CACNB2: variants seen among roughly 807,000 people sequenced by gnomAD.
The protein encoded by CACNB2 is calcium voltage-gated channel auxiliary subunit beta 2.
Under a neutral mutation model 73.3 loss-of-function variants are expected in CACNB2, and 42 were observed. That is an observed-to-expected ratio of 0.57 (90% CI 0.45 to 0.74). The LOEUF is 0.74. Ranked by LOEUF, CACNB2 falls within the 30% of genes least tolerant of loss-of-function variation. CACNB2 has a pLI of 0.00. For synonymous variants in CACNB2, 348 were observed against 310.3 expected, an observed-to-expected ratio of 1.12 and a Z score of -1.28; for missense variants, 940 against 853.0, an observed-to-expected ratio of 1.10 and a Z score of -1.27.
At chr10:18,286,288 G>A (rs981307799) in intron 2 of CACNB2, among the ~76,000 whole-genome samples, 16 of 152,054 alleles carry the variant, frequency 1.1e-4, no homozygotes, top group South Asian at 2.1e-4. Context: ...AGGCCAAGGC[G>A]GGCGGATCAC....
At chr10:18,537,063 T>C (rs980201410) in intron 12 of CACNB2, among the ~76,000 whole-genome samples, 1 of 152,010 alleles carries the variant, frequency 6.6e-6, no homozygotes, top group African/African-American at 2.4e-5. Context: ...CAGCTCACTA[T>C]TGCAACCTCT....
At position 18,200,682 on chromosome 10, in the gene CACNB2, A is replaced by C. The variant is rs1369481781; in HGVS notation, c.213+49707A>C. On this transcript the variant is annotated intron_variant, in intron 2 of 13. Coordinates refer to ENST00000324631, the MANE Select transcript of CACNB2 (RefSeq NM_201596.3). ...GAAGTACTGCTTAAAAAATTGATGC[A>C]TTTAGTCTTCTTATACCAGATTTTT... Among the ~76,000 whole-genome samples the C allele has an allele frequency of 3.3e-5, 5 of 152,230 alleles. No individual in the cohort carries two copies. The East Asian group carries it at 9.6e-4, about 29-fold the overall frequency.
Position 18,140,850 on chromosome 10 carries a change from C to G in CACNB2, c.114C>G (p.Ala38=), listed in dbSNP as rs747008365. The G allele has an allele frequency of 2.5e-6, 4 of 1,600,646 alleles. No individual in the cohort carries two copies. Among genetic ancestry groups the G allele is most frequent in the Middle Eastern group, 1.8e-4 (1 of 5,648 alleles). ...NVAPAGALGA[A]AQSYGKGARR... ...CTCCCGCGGGGGCGCTCGGAGCCGC[C>G]GCACAGGTAGCGAGAGCGCGGCGCC... Residue 38 remains alanine (A), a synonymous_variant, in exon 1 of 14, where the codon GCC becomes GCG. Transcript: ENST00000324631.
chr10:18,154,299 A>C (rs949052264), intron 2 of CACNB2, among the ~76,000 whole-genome samples: 6 of 151,978 alleles, frequency 3.9e-5, no homozygotes, highest in Admixed American at 6.6e-5. Flanking sequence ...CTTTAAAAAA[A>C]AAAAAAACAA....
At chr10:18,494,429 A>C (rs1398877341) in intron 3 of CACNB2, among the ~76,000 whole-genome samples, 2 of 152,036 alleles carry the variant, frequency 1.3e-5, no homozygotes, top group African/African-American at 2.4e-5. Context: ...GGAGATCGAG[A>C]CCATCCTGGC....
At chr10:18,432,831 T>TAAAA (rs970984833) in intron 3 of CACNB2, among the ~76,000 whole-genome samples, 2 of 113,170 alleles carry the variant, frequency 1.8e-5, no homozygotes, top group African/African-American at 4.2e-5. Context: ...CAGCCCTGTC[T>TAAAA]AAAAAAACAA....
At chr10:18,413,235 G>C (rs959838709) in intron 3 of CACNB2, among the ~76,000 whole-genome samples, 1 of 152,190 alleles carries the variant, frequency 6.6e-6, no homozygotes, top group Non-Finnish European at 1.5e-5. Context: ...ACCTCCCAAA[G>C]TGCTGGGATT....
intron 2 of CACNB2, among the ~76,000 whole-genome samples, chr10:18,350,264 TAATAAA>T (rs1334605937): frequency 2.0e-5 from 3 of 152,028 alleles, no homozygotes; most frequent in Non-Finnish European, 4.4e-5. Flanking sequence ...TTTTTTAAAA[TAATAAA>T]AATAATAATA....
At chr10:18,214,388 G>T (rs1792406898) in intron 2 of CACNB2, among the ~76,000 whole-genome samples, 1 of 74,610 alleles carries the variant, frequency 1.3e-5, no homozygotes, top group African/African-American at 3.1e-5. Context: ...CACTTTGAGA[G>T]GCCGAGGCAG....
chr10:18,460,580 C>A (rs566579425), intron 3 of CACNB2, among the ~76,000 whole-genome samples: 1 of 151,892 alleles, frequency 6.6e-6, no homozygotes, highest in East Asian at 1.9e-4. Context: ...TTGAAACCCT[C>A]CCATTTAAAA....
At chr10:18,375,502 A>G (rs1403802479) in intron 2 of CACNB2, among the ~76,000 whole-genome samples, 3 of 152,200 alleles carry the variant, frequency 2.0e-5, no homozygotes, top group African/African-American at 7.2e-5. Flanking sequence ...CTTTTAATTG[A>G]TGAAGACCTT....
chr10:18,173,442 G>GTAACATAAATAAAA (rs2033384946), intron 2 of CACNB2, among the ~76,000 whole-genome samples: 6 of 152,160 alleles, frequency 3.9e-5, no homozygotes, highest in Non-Finnish European at 7.3e-5. Flanking sequence ...CAGGCCGGTG[G>GTAACATAAATAAAA]CTTATGTTAG....
chr10:18,238,511 C>A (rs932034766), intron 2 of CACNB2: 1 of 151,986 alleles, frequency 6.6e-6, no homozygotes, highest in Admixed American at 6.6e-5. Context: ...GTTTTCCATC[C>A]AATGTGAACC....
At chr10:18,479,345 G>A (rs1427281222) in intron 3 of CACNB2, among the ~76,000 whole-genome samples, 1 of 152,094 alleles carries the variant, frequency 6.6e-6, no homozygotes. Flanking sequence ...TAACAGATCT[G>A]TGCTGAGAAA....
chr10:18,402,984 G>A (rs1256607018), intron 3 of CACNB2, among the ~76,000 whole-genome samples: 1 of 152,220 alleles, frequency 6.6e-6, no homozygotes, highest in African/African-American at 2.4e-5. Context: ...GGAGATTCTG[G>A]TTTGAATGCA....
chr10:18,457,181 C>T (rs2047326559), intron 3 of CACNB2, among the ~76,000 whole-genome samples: 1 of 152,194 alleles, frequency 6.6e-6, no homozygotes, highest in Non-Finnish European at 1.5e-5. Flanking sequence ...GGCTCAACCT[C>T]CTGGGGCTGC....
chr10:18,480,148 T>C (rs1262353702), intron 3 of CACNB2, among the ~76,000 whole-genome samples: 2 of 152,212 alleles, frequency 1.3e-5, no homozygotes, highest in Non-Finnish European at 2.9e-5. Context: ...GAAACAATCC[T>C]CAAATATATG....
At chr10:18,172,192 G>T (rs550746486) in intron 2 of CACNB2, among the ~76,000 whole-genome samples, 1 of 151,970 alleles carries the variant, frequency 6.6e-6, no homozygotes, top group African/African-American at 2.4e-5. Flanking sequence ...GCAAAACCCC[G>T]TCTCTACTGA....
chr10:18,214,147 A>AACTGTATGGCGT, intron 2 of CACNB2, among the ~76,000 whole-genome samples: 1 of 104,748 alleles, frequency 9.5e-6, no homozygotes, highest in South Asian at 3.1e-4. Flanking sequence ...TAGAAGTATA[A>AACTGTATGGCGT]GTTCTTCTGA....
Sources: gnomAD v4.1 joint callset for allele counts (sites outside exome capture counted in the v4.1 genomes callset) on GRCh38, gnomAD v4.1.1 for gene constraint, MANE v1.5 for transcripts, NCBI Gene and HGNC (gene_info 2026-07-23, HGNC 2026-07-21) for gene names.